ZNF362: variants seen among roughly 807,000 people sequenced by gnomAD.
ZNF362 encodes the protein zinc finger protein 362, also known as rotund homolog.
Under a neutral mutation model 42.9 loss-of-function variants are expected in ZNF362, and 11 were observed. The ratio of observed to expected loss-of-function variants is 0.26; its 90% CI spans 0.16 to 0.42. The LOEUF is 0.42. ZNF362 is among the 20% of genes least tolerant of loss of function. The probability of loss-of-function intolerance (pLI) is 1.00; values close to 1 mark genes in which losing one functional copy is unlikely to be tolerated. For synonymous variants in ZNF362, 255 were observed against 257.3 expected (o/e 0.99, Z 0.09); for missense variants, 362 against 576.2 (o/e 0.63, Z 3.81).
chr1:33,298,901 C>A (rs763063786), intron 8 of ZNF362, 29 bp from the exon 9 acceptor site: 10 of 1,593,898 alleles, frequency 6.3e-6, no homozygotes, highest in African/African-American at 1.3e-5. Context: ...CTGGTGGTTC[C>A]CTGTTCTGAA....
At chr1:33,252,832 A>G (rs2148048098), upstream of ZNF362, among the ~76,000 whole-genome samples, 1 of 152,300 alleles carries the variant, frequency 6.6e-6, no homozygotes, top group African/African-American at 2.4e-5. Flanking sequence ...CTAACTGCTA[A>G]AAAAAGAAAG....
At chr1:33,239,568 C>G in the ZNF362 span, among the ~76,000 whole-genome samples, 1 of 152,042 alleles carries the variant, frequency 6.6e-6, no homozygotes, top group South Asian at 2.1e-4. Context: ...ACAATCATGG[C>G]GGAAGGCAAA....
chr1:33,234,412 A>G, the ZNF362 span, among the ~76,000 whole-genome samples: 1 of 152,188 alleles, frequency 6.6e-6, no homozygotes, highest in Admixed American at 6.5e-5. Context: ...GGGCTACATC[A>G]GAAGAACAAA....
At chr1:33,237,035 C>A in the ZNF362 span, among the ~76,000 whole-genome samples, 1 of 152,062 alleles carries the variant, frequency 6.6e-6, no homozygotes, top group African/African-American at 2.4e-5. Context: ...CACACCATTG[C>A]ACTCCAGCCT....
At chr1:33,201,851 A>G in the ZNF362 span, among the ~76,000 whole-genome samples, 1 of 152,240 alleles carries the variant, frequency 6.6e-6, no homozygotes, top group Non-Finnish European at 1.5e-5. Flanking sequence ...GACCAGTAAA[A>G]TTGACAAATC....
At chr1:33,147,615 C>A in the ZNF362 span, 27 of 1,613,976 alleles carry the variant, frequency 1.7e-5, no homozygotes. The surrounding 1 kb of genome is among the most constrained non-coding windows in gnomAD (Gnocchi z 8.1). Flanking sequence ...AGCGCTTTGG[C>A]GAGTCCTGCA....
chr1:33,235,988 G>A, the ZNF362 span, among the ~76,000 whole-genome samples: 3 of 152,194 alleles, frequency 2.0e-5, no homozygotes, highest in African/African-American at 7.2e-5. Flanking sequence ...GGGTGTTAGG[G>A]TAGACCTTAG....
At chr1:33,184,216 T>A in the ZNF362 span, among the ~76,000 whole-genome samples, 1 of 152,196 alleles carries the variant, frequency 6.6e-6, no homozygotes, top group Admixed American at 6.5e-5. Flanking sequence ...TCAGGCACAG[T>A]AGGGCTTGCT....
At chr1:33,141,249 C>T in the ZNF362 span, among the ~76,000 whole-genome samples, 1 of 151,970 alleles carries the variant, frequency 6.6e-6, no homozygotes, top group Non-Finnish European at 1.5e-5. Flanking sequence ...AGATGTGGGA[C>T]CCTTCTCCTC....
the ZNF362 span, among the ~76,000 whole-genome samples, chr1:33,183,715 G>A: frequency 6.6e-6 from 1 of 152,200 alleles, no homozygotes; most frequent in Admixed American, 6.5e-5. Flanking sequence ...TTGCAAAACA[G>A]TCTGCCCCCT....
At chr1:33,290,831 T>G (rs1047826757) in intron 6 of ZNF362, among the ~76,000 whole-genome samples, 3 of 152,288 alleles carry the variant, frequency 2.0e-5, no homozygotes, top group African/African-American at 7.2e-5. Context: ...TGAGCATTTT[T>G]TCATATGTCT....
chr1:33,136,131 C>T, the ZNF362 span, among the ~76,000 whole-genome samples: 1 of 142,558 alleles, frequency 7.0e-6, no homozygotes, highest in African/African-American at 2.7e-5. Flanking sequence ...TCCTTCCTTC[C>T]TTCCTTCCTT....
At chr1:33,189,705 ATACG>A in the ZNF362 span, among the ~76,000 whole-genome samples, 62,085 of 84,294 alleles carry the variant, frequency 0.74, 22,539 homozygotes, top group East Asian at 0.82. Context: ...ATACACATAT[ATACG>A]TATATATATA....
the ZNF362 span, among the ~76,000 whole-genome samples, chr1:33,159,188 A>G: frequency 6.6e-6 from 1 of 152,110 alleles, no homozygotes; most frequent in South Asian, 2.1e-4. This position sits in a 1 kb window ranked among gnomAD's most constrained non-coding sequence, Gnocchi z 4.2. Context: ...TGACAGTGGT[A>G]ACTACTTTCA....
the ZNF362 span, among the ~76,000 whole-genome samples, chr1:33,240,452 A>G: frequency 6.6e-6 from 1 of 152,240 alleles, no homozygotes; most frequent in African/African-American, 2.4e-5. Context: ...ATATAATTAT[A>G]TATTCAGTAT....
At chr1:33,282,736 C>T (rs4653365) in intron 6 of ZNF362, among the ~76,000 whole-genome samples, 10 of 151,602 alleles carry the variant, frequency 6.6e-5, no homozygotes, top group Admixed American at 2.0e-4. Flanking sequence ...GCAGGAGACT[C>T]GCTTGAACCC....
chr1:33,240,668 T>C, the ZNF362 span, among the ~76,000 whole-genome samples: 1 of 152,144 alleles, frequency 6.6e-6, no homozygotes, highest in Non-Finnish European at 1.5e-5. Flanking sequence ...TCATTTTGGT[T>C]CTTCTTGTTC....
chr1:33,208,073 G>GTT, the ZNF362 span, among the ~76,000 whole-genome samples: 1 of 151,794 alleles, frequency 6.6e-6, no homozygotes, highest in Non-Finnish European at 1.5e-5. Context: ...GGTTTTTATG[G>GTT]TTTTACGTCT....
chr1:33,237,934 C>CA, the ZNF362 span, among the ~76,000 whole-genome samples: 1 of 152,194 alleles, frequency 6.6e-6, no homozygotes, highest in Non-Finnish European at 1.5e-5. Flanking sequence ...CCTGCAAGGG[C>CA]AGAGTTTAAC....
Sources: allele counts gnomAD v4.1 joint callset (sites outside exome capture counted in the v4.1 genomes callset), GRCh38; gene constraint gnomAD v4.1.1; non-coding constraint Gnocchi (gnomAD v3.1); transcripts MANE v1.5; gene names NCBI Gene and HGNC (gene_info 2026-07-23, HGNC 2026-07-21).